The following APBB2 variants were observed in gnomAD, a reference collection of about 807,000 sequenced individuals.
APBB2 encodes the protein amyloid beta precursor protein binding family B member 2.
Under a neutral mutation model 82.5 loss-of-function variants are expected in APBB2, and 38 were observed. The ratio of observed to expected loss-of-function variants is 0.46; its 90% CI spans 0.36 to 0.60. The LOEUF (loss-of-function observed/expected upper bound fraction) is 0.60, where lower values mean the gene tolerates loss of function less well. APBB2 is among the 20% of genes least tolerant of loss of function. The pLI, the probability that APBB2 is intolerant of heterozygous loss-of-function variation, is 0.00. For missense variants in APBB2, 772 were observed against 972.3 expected, an observed-to-expected ratio of 0.79 and a Z score of 2.74; for synonymous variants, 341 against 368.2, an observed-to-expected ratio of 0.93 and a Z score of 0.85.
At chr4:40,924,820 A>G (rs1782197790) in intron 10 of APBB2, among the ~76,000 whole-genome samples, 1 of 152,258 alleles carries the variant, frequency 6.6e-6, no homozygotes, top group African/African-American at 2.4e-5. Context: ...AGTTTGCTAC[A>G]TAGCACGCAG....
chr4:40,971,022 GA>G (rs1795813533), intron 6 of APBB2, among the ~76,000 whole-genome samples: 1 of 152,128 alleles, frequency 6.6e-6, no homozygotes, highest in South Asian at 2.1e-4. Flanking sequence ...TGTCTCAAGA[GA>G]AGAAGCATTT....
chr4:40,865,595 T>C (rs1763862554), intron 12 of APBB2, among the ~76,000 whole-genome samples: 1 of 152,250 alleles, frequency 6.6e-6, no homozygotes, highest in Admixed American at 6.5e-5. Flanking sequence ...CTTAGCATAA[T>C]TGTTGAGTGT....
intron 1 of APBB2, among the ~76,000 whole-genome samples, chr4:41,184,492 C>T (rs1197570651): frequency 6.6e-6 from 1 of 152,112 alleles, no homozygotes; most frequent in Non-Finnish European, 1.5e-5. Context: ...GGGCTTAGAC[C>T]ACTCTGCCCC....
At chr4:40,900,061 T>C (rs1289623788) in intron 10 of APBB2, among the ~76,000 whole-genome samples, 1 of 152,174 alleles carries the variant, frequency 6.6e-6, no homozygotes, top group Admixed American at 6.5e-5. Context: ...TACCAGAACA[T>C]ATAACAACGT....
At chr4:40,887,619 G>A (rs907391324) in intron 12 of APBB2, among the ~76,000 whole-genome samples, 10 of 152,164 alleles carry the variant, frequency 6.6e-5, no homozygotes, top group African/African-American at 2.4e-4. Context: ...CTGGGGAATG[G>A]AAACTCAGGG....
At chr4:40,942,673 A>T (rs1030556933) in intron 7 of APBB2, among the ~76,000 whole-genome samples, 3 of 152,138 alleles carry the variant, frequency 2.0e-5, no homozygotes, top group Non-Finnish European at 4.4e-5. Flanking sequence ...ACTCCAGGGC[A>T]GGAGGTGCCA....
intron 2 of APBB2, among the ~76,000 whole-genome samples, chr4:41,108,236 T>G (rs1040508204): frequency 6.6e-6 from 1 of 152,142 alleles, no homozygotes; most frequent in Admixed American, 6.5e-5. Context: ...CTATAAAAAC[T>G]AGTAACCATA....
intron 2 of APBB2, among the ~76,000 whole-genome samples, chr4:41,108,076 G>C (rs1290265509): frequency 4.6e-5 from 7 of 152,128 alleles, no homozygotes; most frequent in Non-Finnish European, 1.0e-4. Context: ...TGTTGAAAAG[G>C]TCATAATCTC....
At chr4:41,077,490 AAAAAG>A (rs1170760830) in intron 3 of APBB2, among the ~76,000 whole-genome samples, 2 of 152,212 alleles carry the variant, frequency 1.3e-5, no homozygotes, top group Non-Finnish European at 2.9e-5. Context: ...AAAAGCATCC[AAAAAG>A]AAAAGAAACA....
At chr4:40,819,615 AAAAAT>A (rs891201552) in intron 17 of APBB2, among the ~76,000 whole-genome samples, 1 of 152,150 alleles carries the variant, frequency 6.6e-6, no homozygotes, top group African/African-American at 2.4e-5. Context: ...ATCTCTTAAA[AAAAAT>A]AAAATAAAAT....
chr4:41,154,593 A>G (rs1360868236), intron 1 of APBB2, among the ~76,000 whole-genome samples: 4 of 152,196 alleles, frequency 2.6e-5, no homozygotes, highest in African/African-American at 9.7e-5. Flanking sequence ...TGTCTCCCTG[A>G]AATGTGTAAA....
At chr4:40,870,836 G>A (rs551723899) in intron 12 of APBB2, among the ~76,000 whole-genome samples, 101 of 150,656 alleles carry the variant, frequency 6.7e-4, no homozygotes, top group African/African-American at 1.8e-3. Flanking sequence ...AGGTTCAAGC[G>A]ATTCTCCTGC....
chr4:40,946,232 C>CAAAAAAAAAAAAAA (rs55995119), intron 6 of APBB2, among the ~76,000 whole-genome samples: 1 of 78,722 alleles, frequency 1.3e-5, no homozygotes, highest in Non-Finnish European at 2.4e-5. Flanking sequence ...ACTCTATCTC[C>CAAAAAAAAAAAAAA]AAAAAAAAAA....
intron 10 of APBB2, among the ~76,000 whole-genome samples, chr4:40,898,038 G>A (rs1278168431): frequency 6.6e-6 from 1 of 152,178 alleles, no homozygotes; most frequent in East Asian, 1.9e-4. Flanking sequence ...GTAGAACCGT[G>A]TCATCAGAGG....
chr4:40,816,025 G>T lies in APBB2; in HGVS notation c.*67C>A, dbSNP rs1375898338. 5 of 1,553,886 alleles carry T rather than the reference G, an allele frequency of 3.2e-6. No homozygotes were observed. Among genetic ancestry groups the T allele is most frequent in the Non-Finnish European group, 4.4e-6 (5 of 1,136,598 alleles). ...CAACTGGATGGAAGGTCGGATGGCG[G>T]AGTTCATTTTCTTTAGTGTAGCTAG... On this transcript the variant is annotated 3_prime_UTR_variant, in exon 18 of 18. Transcript: ENST00000508593.
chr4:41,074,915 G>A (rs1389534940), intron 3 of APBB2, among the ~76,000 whole-genome samples: 1 of 152,118 alleles, frequency 6.6e-6, no homozygotes, highest in Non-Finnish European at 1.5e-5. Flanking sequence ...TTGGGAGGCC[G>A]AGGTAAGTGG....
Position 40,893,373 on chromosome 4 carries a change from T to G in APBB2, c.1293A>C (p.Ala431=). Residue 431 remains alanine, a synonymous_variant, in exon 11 of 18, where the codon GCA becomes GCC. Coordinates refer to ENST00000508593, the MANE Select transcript of APBB2 (RefSeq NM_004307.2). ...TTTTACCGGGGGCGAGGTCCTCTTC[T>G]GCCATCTCTACCCATCCCAGAGAAC... is the stretch of plus-strand genomic sequence containing the variant. ...AVRSLGWVEM[A]EEDLAPGKSS... is the part of the protein sequence containing the mutation. The G allele has an allele frequency of 6.2e-7, 1 of 1,613,704 alleles. No homozygotes were observed. The highest frequency in any genetic ancestry group is 8.5e-7 in the Non-Finnish European group (1 of 1,179,816).
intron 2 of APBB2, among the ~76,000 whole-genome samples, chr4:41,139,348 G>A (rs1180171739): frequency 2.0e-5 from 3 of 152,034 alleles, no homozygotes; most frequent in African/African-American, 7.2e-5. Context: ...AGAAATAGAG[G>A]GGAAATTTGT....
intron 12 of APBB2, among the ~76,000 whole-genome samples, chr4:40,836,839 C>T (rs1049948539): frequency 6.6e-6 from 1 of 152,088 alleles, no homozygotes; most frequent in Admixed American, 6.6e-5. Context: ...CATCTCTCTC[C>T]TTTCTGTTTT....
Sources: gnomAD v4.1 joint callset for allele counts (sites outside exome capture counted in the v4.1 genomes callset) on GRCh38, gnomAD v4.1.1 for gene constraint, MANE v1.5 for transcripts, NCBI Gene and HGNC (gene_info 2026-07-23, HGNC 2026-07-21) for gene names.